Variants in OSBPL5 observed in about 807,000 individuals in gnomAD.
OSBPL5 encodes oxysterol binding protein like 5.
OSBPL5 carries 71 observed loss-of-function variants against 111.2 expected under a neutral mutation model. The observed-to-expected ratio is 0.64, with a 90% CI of 0.53 to 0.78. The LOEUF is 0.78. Ranked by LOEUF, OSBPL5 falls within the 30% of genes least tolerant of loss-of-function variation. The pLI is 0.00. For synonymous variants in OSBPL5, 549 were observed against 513.9 expected (o/e 1.07, Z -0.93); for missense variants, 1,210 against 1,189.3 (o/e 1.02, Z -0.26).
intron 3 of OSBPL5, among the ~76,000 whole-genome samples, chr11:3,124,979 C>T (rs1045695265): frequency 6.6e-6 from 1 of 152,212 alleles, no homozygotes; most frequent in Non-Finnish European, 1.5e-5. Flanking sequence ...AACCCCTGCT[C>T]CCCAACTGGG....
At chr11:3,094,529 GTGGGGGTGCGGAGCC>G (rs932809462) in intron 14 of OSBPL5, 195 bp from the exon 15 acceptor site, 7 of 565,804 alleles carry the variant, frequency 1.2e-5, no homozygotes, top group Non-Finnish European at 2.2e-5. Flanking sequence ...GGAGAGGCTG[GTGGGGGTGCGGAGCC>G]TGGGAGGTGC....
chr11:3,101,494 G>T, intron 13 of OSBPL5, 109 bp downstream of exon 13: 1 of 1,027,034 alleles, frequency 9.7e-7, no homozygotes. Context: ...GGGGTTGGGA[G>T]GGACAGGCAC....
Position 3,105,359 on chromosome 11 carries a change from C to G in OSBPL5, c.1060-982G>C, listed in dbSNP as rs1453465336. On this transcript the variant is annotated intron_variant, in intron 9 of 21. Transcript: ENST00000263650. This position sits in a 1 kb window ranked among gnomAD's most constrained non-coding sequence, Gnocchi z 5.2. ...CTCTCTGTGCACGCATGGCCACGGA[C>G]AGATCCTGGTGGCACTGGCCCAGTG... Among the ~76,000 whole-genome samples the G allele has an allele frequency of 3.3e-5, 5 of 152,154 alleles. No homozygotes were observed. The East Asian group carries it at 7.7e-4, about 23-fold the overall frequency.
rs773509897 is a variant in OSBPL5, at chr11:3,107,377, C to G, written c.945G>C (p.Glu315Asp). Residue 315 changes from glutamate (E) to aspartate (D), a missense_variant, in exon 9 of 22, where the codon GAG becomes GAC. Transcript: ENST00000263650. This position sits in a 1 kb window ranked among gnomAD's most constrained non-coding sequence, Gnocchi z 6.1. Reference protein sequence around the residue: ...ERENPEESDTETQDHSRKTES... With the variant: ...ERENPEESDTDTQDHSRKTES... ...CCGTCTTCCGGCTATGGTCCTGGGT[C>G]TCGGTATCTGACTCCTCAGGGTTCT... 2 of 1,614,068 alleles carry G rather than the reference C, an allele frequency of 1.2e-6. No homozygotes were observed. The highest frequency in any genetic ancestry group is 1.7e-6 in the Non-Finnish European group (2 of 1,180,004).
At chr11:3,134,412 C>A (rs1368144876) in intron 1 of OSBPL5, among the ~76,000 whole-genome samples, 2 of 152,176 alleles carry the variant, frequency 1.3e-5, no homozygotes, top group Non-Finnish European at 2.9e-5. Context: ...AGCTGTTGGG[C>A]AGACCTAGTG....
intron 12 of OSBPL5, 79 bp from the exon 13 acceptor site, chr11:3,101,778 A>C: frequency 8.3e-7 from 1 of 1,206,628 alleles, no homozygotes; most frequent in Non-Finnish European, 1.2e-6. Context: ...TTCCCCCAAA[A>C]AACCTGTCCC....
In OSBPL5 at chr11:3,104,094, C is replaced by T; in HGVS notation, c.1244+99G>A. The T allele has an allele frequency of 7.3e-7, 1 of 1,363,694 alleles. No individual in the cohort carries two copies. Among genetic ancestry groups the T allele is most frequent in the Non-Finnish European group, 1.0e-6 (1 of 1,004,664 alleles). The allele number at this position is 1,363,694 out of a possible 1,614,324, so 84.5% of individuals were successfully genotyped here. A position where few individuals can be genotyped will look rare whatever the true frequency, so the allele number is the denominator to read the frequency against. ...GGGCTGAGATCAGCCATGGGATTCT[C>T]TGGAAGCCCCCACAGGGCAGGTAGG... On this transcript the variant is annotated intron_variant, in intron 10 of 21. Transcript: ENST00000263650. The surrounding 1 kb of genome is among the most constrained non-coding windows in gnomAD (Gnocchi z 5.0).
At chr11:3,099,826 T>C (rs1221782508) in intron 14 of OSBPL5, among the ~76,000 whole-genome samples, 1 of 152,088 alleles carries the variant, frequency 6.6e-6, no homozygotes, top group African/African-American at 2.4e-5. Context: ...CCCAGCACTT[T>C]GGGAGGCCGA....
chr11:3,158,180 G>A (rs1442030254), intron 1 of OSBPL5, among the ~76,000 whole-genome samples: 1 of 152,204 alleles, frequency 6.6e-6, no homozygotes, highest in Non-Finnish European at 1.5e-5. Context: ...GGCCTGCCCC[G>A]GCCTGCCCTT....
intron 1 of OSBPL5, among the ~76,000 whole-genome samples, chr11:3,134,254 C>T (rs751515009): frequency 6.6e-6 from 1 of 152,216 alleles, no homozygotes; most frequent in Non-Finnish European, 1.5e-5. Context: ...GGAAGGGCCT[C>T]CTGCTCTCCT....
In OSBPL5 at chr11:3,087,956, G is replaced by A. The variant is rs1856926768; in HGVS notation, c.*249C>T. On this transcript the variant is annotated 3_prime_UTR_variant, in exon 22 of 22. Coordinates refer to ENST00000263650, the MANE Select transcript of OSBPL5 (RefSeq NM_020896.4). ...GCCAGGAGTGCGTCGCACAGCAGAA[G>A]CTGCATTTGGCTTTAGCATTAAGGC... 8.0e-6 allele frequency: 3 copies of A among 374,132 alleles called. No homozygotes were observed. The highest frequency in any genetic ancestry group is 1.4e-5 in the Non-Finnish European group (3 of 210,246). 23.2% of individuals were successfully genotyped at this position (374,132 alleles called of 1,614,324 possible).
chr11:3,115,600 G>A (rs1218600288), intron 7 of OSBPL5, among the ~76,000 whole-genome samples: 2 of 152,182 alleles, frequency 1.3e-5, no homozygotes, highest in African/African-American at 4.8e-5. Context: ...GATAAAGTAA[G>A]TTCAGTTCCT....
In OSBPL5 at chr11:3,098,495, ATTTTTTTTTTTTT is replaced by A. The variant is rs552382553; in HGVS notation, c.1621+1650_1621+1662del. On this transcript the variant is annotated intron_variant, in intron 14 of 21. Transcript: ENST00000263650. ...TCAAGCCATAAAAAGACATGAAGGA[ATTTTTTTTTTTTT>A]TTTTTTTTTTTTTGGAGATGGAGTT... 6.0e-3 allele frequency among the ~76,000 whole-genome samples: 487 copies of A among 81,218 alleles called. 5 individuals are homozygous for A. Among genetic ancestry groups the A allele is most frequent in the Non-Finnish European group, 8.4e-3 (380 of 45,482 alleles). 53.3% of individuals were successfully genotyped at this position (81,218 alleles called of 152,430 possible).
rs963925466 is a variant in OSBPL5, at chr11:3,087,936, G to A, written c.*269C>T. On this transcript the variant is annotated 3_prime_UTR_variant, in exon 22 of 22. Coordinates refer to ENST00000263650, the MANE Select transcript of OSBPL5 (RefSeq NM_020896.4). Reference sequence around the variant, plus strand: ...GGGGGTGACACGGCAAGATGGCCAGGAGTGCGTCGCACAGCAGAAGCTGCA... The same window carrying A: ...GGGGGTGACACGGCAAGATGGCCAGAAGTGCGTCGCACAGCAGAAGCTGCA... The A allele has an allele frequency of 2.1e-5, 7 of 326,212 alleles. No individual in the cohort carries two copies. The Admixed American group carries it at 2.5e-4, about 12-fold the overall frequency. 20.2% of individuals were successfully genotyped at this position (326,212 alleles called of 1,614,324 possible).
chr11:3,103,426 G>T, intron 10 of OSBPL5, 106 bp from the exon 11 acceptor site: 1 of 1,028,814 alleles, frequency 9.7e-7, no homozygotes. Flanking sequence ...CCACTCAGCT[G>T]GAAACAGGCC....
At chr11:3,097,540 A>C (rs1358372290) in intron 14 of OSBPL5, among the ~76,000 whole-genome samples, 1 of 152,212 alleles carries the variant, frequency 6.6e-6, no homozygotes, top group Non-Finnish European at 1.5e-5. Context: ...AAAACAAACA[A>C]ACACAAAACT....
At chr11:3,116,045 T>G (rs1858196620) in intron 7 of OSBPL5, among the ~76,000 whole-genome samples, 1 of 152,166 alleles carries the variant, frequency 6.6e-6, no homozygotes, top group African/African-American at 2.4e-5. Flanking sequence ...TCCTTGAAGA[T>G]ATTATTAATA....
intron 20 of OSBPL5, 152 bp from the exon 21 acceptor site, chr11:3,090,100 C>A (rs919915395): frequency 6.6e-6 from 4 of 604,036 alleles, no homozygotes; most frequent in Non-Finnish European, 1.2e-5. Flanking sequence ...GCTGAAGACA[C>A]GGAGATGAGG....
At position 3,162,906 on chromosome 11, in the gene OSBPL5, C is replaced by A. The variant is rs79543704; in HGVS notation, c.-22+2310G>T. Among the ~76,000 whole-genome samples, 1 of 152,034 alleles carries A rather than the reference C, an allele frequency of 6.6e-6. No homozygotes were observed. Among genetic ancestry groups the A allele is most frequent in the South Asian group, 2.1e-4 (1 of 4,826 alleles). On this transcript the variant is annotated intron_variant, in intron 1 of 21. Transcript: ENST00000263650. The surrounding 1 kb of genome is among the most constrained non-coding windows in gnomAD (Gnocchi z 8.1). Reference sequence around the variant, plus strand: ...TCACTTGTACCCCCCAACATCTACCCCCCAGCACACTGGTGCACTCCCTGG... The same window carrying A: ...TCACTTGTACCCCCCAACATCTACCACCCAGCACACTGGTGCACTCCCTGG...
Sources: allele counts gnomAD v4.1 joint callset (sites outside exome capture counted in the v4.1 genomes callset), GRCh38; gene constraint gnomAD v4.1.1; non-coding constraint Gnocchi (gnomAD v3.1); transcripts MANE v1.5; gene names NCBI Gene and HGNC (gene_info 2026-07-23, HGNC 2026-07-21).